HYCC2: variants seen among roughly 807,000 people sequenced by gnomAD.
The protein encoded by HYCC2 is hyccin PI4KA lipid kinase complex subunit 2.
chr2:201,063,050 CGAA>C, the HYCC2 span: 74 of 1,606,164 alleles, frequency 4.6e-5, no homozygotes, highest in African/African-American at 7.8e-4. Context: ...TGGACGCCGC[CGAA>C]GAAGCATCGT....
the HYCC2 span, chr2:201,066,958 A>G: frequency 4.3e-6 from 1 of 233,944 alleles, no homozygotes; most frequent in Non-Finnish European, 8.4e-6. Context: ...TACCATCATC[A>G]AGTTCCTGCT....
the HYCC2 span, among the ~76,000 whole-genome samples, chr2:201,069,600 A>AACAC: frequency 6.8e-6 from 1 of 147,770 alleles, no homozygotes; most frequent in Non-Finnish European, 1.5e-5. Flanking sequence ...GCATAAAAGC[A>AACAC]ACACACACAC....
At chr2:201,011,250 A>G in the HYCC2 span, 2 of 501,696 alleles carry the variant, frequency 4.0e-6, no homozygotes, top group African/African-American at 4.0e-5. Context: ...GTCACAGCTC[A>G]GTCTTCTAAT....
chr2:201,025,291 C>T, the HYCC2 span, among the ~76,000 whole-genome samples: 2 of 152,204 alleles, frequency 1.3e-5, no homozygotes, highest in African/African-American at 4.8e-5. Flanking sequence ...TGGTTCATTC[C>T]ATAAATATTT....
chr2:200,989,659 C>T, the HYCC2 span, among the ~76,000 whole-genome samples: 2 of 151,550 alleles, frequency 1.3e-5, no homozygotes, highest in East Asian at 1.9e-4. Context: ...CAAAAAAATA[C>T]GAAAATTTGC....
chr2:201,056,201 AAAAT>A, the HYCC2 span, among the ~76,000 whole-genome samples: 1 of 150,228 alleles, frequency 6.7e-6, no homozygotes, highest in Non-Finnish European at 1.5e-5. Flanking sequence ...CTCAAAAAAA[AAAAT>A]AAATAAAATA....
the HYCC2 span, among the ~76,000 whole-genome samples, chr2:201,026,449 C>G: frequency 6.6e-6 from 1 of 152,180 alleles, no homozygotes; most frequent in African/African-American, 2.4e-5. Context: ...GAACTCAGCT[C>G]TGCACCAAGC....
the HYCC2 span, among the ~76,000 whole-genome samples, chr2:201,055,383 G>GAA: frequency 0.016 from 1,491 of 93,654 alleles, 13 homozygotes; most frequent in Non-Finnish European, 0.023. Context: ...ATTCCATCTC[G>GAA]AAAAAAAAAA....
chr2:201,057,767 C>G, the HYCC2 span, among the ~76,000 whole-genome samples: 53 of 152,112 alleles, frequency 3.5e-4, no homozygotes, highest in Middle Eastern at 6.8e-3. Context: ...TGGTTGCATA[C>G]AGTCTGCTGG....
the HYCC2 span, among the ~76,000 whole-genome samples, chr2:201,013,131 A>G: frequency 6.6e-6 from 1 of 152,060 alleles, no homozygotes; most frequent in African/African-American, 2.4e-5. Context: ...TACTAGACCT[A>G]TATGGTAAGT....
At chr2:201,023,735 T>C in the HYCC2 span, 19 of 368,740 alleles carry the variant, frequency 5.2e-5, no homozygotes, top group Middle Eastern at 7.8e-4. Flanking sequence ...CTAACAACTA[T>C]TTTCATCTTT....
the HYCC2 span, among the ~76,000 whole-genome samples, chr2:200,999,926 C>T: frequency 6.6e-6 from 1 of 150,550 alleles, no homozygotes; most frequent in South Asian, 2.1e-4. Flanking sequence ...GGCATGGTGG[C>T]GCGCGCCTGT....
At chr2:201,010,777 T>A in the HYCC2 span, among the ~76,000 whole-genome samples, 1 of 151,782 alleles carries the variant, frequency 6.6e-6, no homozygotes, top group Non-Finnish European at 1.5e-5. Flanking sequence ...AGCTTATTAT[T>A]TAAAAAATTA....
At chr2:201,042,566 G>GCCGCC in the HYCC2 span, among the ~76,000 whole-genome samples, 1 of 150,668 alleles carries the variant, frequency 6.6e-6, no homozygotes, top group East Asian at 2.0e-4. Context: ...TCTCTGACCA[G>GCCGCC]CCGCCCCGTC....
At chr2:201,070,148 T>C in the HYCC2 span, among the ~76,000 whole-genome samples, 7 of 152,294 alleles carry the variant, frequency 4.6e-5, no homozygotes, top group East Asian at 9.6e-4. Context: ...TGCCCTTCCA[T>C]AACACATACT....
chr2:201,060,772 A>G, the HYCC2 span, among the ~76,000 whole-genome samples: 20 of 152,322 alleles, frequency 1.3e-4, no homozygotes, highest in East Asian at 3.5e-3. Flanking sequence ...ATTCTAAAAC[A>G]CCAACAGCCA....
the HYCC2 span, among the ~76,000 whole-genome samples, chr2:201,013,123 C>T: frequency 6.6e-6 from 1 of 152,104 alleles, no homozygotes; most frequent in African/African-American, 2.4e-5. Flanking sequence ...ACTGCCCTTA[C>T]TAGACCTATA....
At chr2:201,049,501 C>T in the HYCC2 span, among the ~76,000 whole-genome samples, 1 of 151,730 alleles carries the variant, frequency 6.6e-6, no homozygotes. Context: ...CAGGCGCGTG[C>T]CACCACCCCG....
the HYCC2 span, chr2:201,064,199 T>C: frequency 1.5e-5 from 10 of 688,398 alleles, no homozygotes; most frequent in Non-Finnish European, 2.6e-5. Flanking sequence ...TACTCATGTG[T>C]ATGGGCAAAA....
Sources: gnomAD v4.1 joint callset for allele counts (sites outside exome capture counted in the v4.1 genomes callset) on GRCh38, gnomAD v4.1.1 for gene constraint, MANE v1.5 for transcripts, NCBI Gene and HGNC (gene_info 2026-07-23, HGNC 2026-07-21) for gene names.